Variants in NLRP4 observed in about 807,000 individuals in gnomAD.
NLRP4 encodes the protein NLR family pyrin domain containing 4, also known as NACHT, LRR and PYD domains-containing protein 4.
In NLRP4, 44 loss-of-function variants were observed where a neutral mutation model predicts 84.7. The observed-to-expected ratio is 0.52, with a 90% CI of 0.41 to 0.67. The LOEUF is 0.67. Among genes scored for constraint, NLRP4 ranks in the 30% least tolerant of loss-of-function variants. NLRP4 has a pLI of 0.00. For synonymous variants in NLRP4, 544 were observed against 476.4 expected, an observed-to-expected ratio of 1.14 and a Z score of -1.85; for missense variants, 1,260 against 1,219.4, an observed-to-expected ratio of 1.03 and a Z score of -0.50.
At position 55,855,940 on chromosome 19, in the gene NLRP4, A is replaced by G. The variant is rs137989861; in HGVS notation, c.281-1734A>G. ...TTAGAAATACACCACGACAGCTATG[A>G]TTCAGAAATCGGGAAGCTCACCAGT... is the stretch of plus-strand genomic sequence containing the variant. On this transcript the variant is annotated intron_variant, in intron 2 of 9. Coordinates refer to ENST00000301295, the MANE Select transcript of NLRP4 (RefSeq NM_134444.5). 3.0e-3 allele frequency among the ~76,000 whole-genome samples: 452 copies of G among 152,328 alleles called. 2 individuals are homozygous for G. Among genetic ancestry groups the G allele is most frequent in the Middle Eastern group, 0.024 (7 of 294 alleles).
chr19:55,864,944 G>C (rs575780753), intron 5 of NLRP4, among the ~76,000 whole-genome samples: 1 of 151,782 alleles, frequency 6.6e-6, no homozygotes, highest in Non-Finnish European at 1.5e-5. Flanking sequence ...TTACATTCAG[G>C]GGTACAGGTT....
chr19:55,849,983 T>G lies in NLRP4; in HGVS notation c.-65-2033T>G, dbSNP rs1255499959. ...CGGTGTAATTTCCGTAGCTGCGGTG[T>G]AATTTCCGAGACTGCGGTGTGATTT... On this transcript the variant is annotated intron_variant, in intron 1 of 9. Coordinates refer to ENST00000301295, the MANE Select transcript of NLRP4 (RefSeq NM_134444.5). Among the ~76,000 whole-genome samples, 4 of 134,064 alleles carry G rather than the reference T, an allele frequency of 3.0e-5. 1 individual carries two copies. The highest frequency in any genetic ancestry group is 1.2e-4 in the African/African-American group (4 of 34,476). The allele number at this position is 134,064 out of a possible 152,430, so 88.0% of individuals were successfully genotyped here. A position where few individuals can be genotyped will look rare whatever the true frequency, so the allele number is the denominator to read the frequency against.
chr19:55,847,392 C>T (rs1329470287), intron 1 of NLRP4, among the ~76,000 whole-genome samples: 2 of 152,176 alleles, frequency 1.3e-5, no homozygotes, highest in Non-Finnish European at 2.9e-5. Flanking sequence ...AATTGATTAT[C>T]ATGAATGTTC....
chr19:55,878,689 A>G (rs1192062530), intron 8 of NLRP4, 105 bp from the exon 9 acceptor site: 3 of 948,476 alleles, frequency 3.2e-6, no homozygotes, highest in Non-Finnish European at 4.7e-6. Flanking sequence ...GAGAGATTGC[A>G]CTTGAGGCAA....
At chr19:55,859,958 C>T (rs10413229) in intron 3 of NLRP4, among the ~76,000 whole-genome samples, 2 of 86,884 alleles carry the variant, frequency 2.3e-5, no homozygotes, top group African/African-American at 4.6e-5. Context: ...AAAAACAAAA[C>T]ACAAATCATA....
intron 1 of NLRP4, among the ~76,000 whole-genome samples, chr19:55,843,289 GT>G (rs1568654845): frequency 6.6e-6 from 1 of 152,050 alleles, no homozygotes; most frequent in Non-Finnish European, 1.5e-5. Context: ...ATGTTCTAAT[GT>G]CATTATGTTT....
intron 1 of NLRP4, among the ~76,000 whole-genome samples, chr19:55,839,591 A>G (rs80065785): frequency 0.038 from 5,707 of 152,168 alleles, 291 homozygotes; most frequent in East Asian, 0.22. Flanking sequence ...TGGCATAAAA[A>G]TGGTAATAGT....
At chr19:55,878,484 CGGCTT>C (rs765743285) in intron 8 of NLRP4, among the ~76,000 whole-genome samples, 34,960 of 150,722 alleles carry the variant, frequency 0.23, 68 homozygotes, top group Middle Eastern at 0.3. Flanking sequence ...TTATCTGAGA[CGGCTT>C]CATACCTTTT....
intron 6 of NLRP4, among the ~76,000 whole-genome samples, chr19:55,868,457 C>A (rs1985047690): frequency 6.7e-6 from 1 of 150,224 alleles, no homozygotes; most frequent in African/African-American, 2.4e-5. Context: ...TTAGGTGATA[C>A]TTATACAAAA....
chr19:55,877,293 C>T (rs1985411497), intron 8 of NLRP4, 127 bp downstream of exon 8: 1 of 844,900 alleles, frequency 1.2e-6, no homozygotes, highest in Non-Finnish European at 1.9e-6. Context: ...CATCATGAAC[C>T]AGTGTAAAAC....
intron 2 of NLRP4, 113 bp from the exon 3 acceptor site, chr19:55,857,561 G>C: frequency 1.1e-6 from 1 of 915,504 alleles, no homozygotes; most frequent in Non-Finnish European, 1.7e-6. Flanking sequence ...GGTTTGGCCT[G>C]GGGGCCACAG....
intron 1 of NLRP4, among the ~76,000 whole-genome samples, chr19:55,849,785 T>C (rs1037639007): frequency 3.4e-5 from 5 of 145,210 alleles, no homozygotes; most frequent in Admixed American, 3.3e-4. Context: ...TGCGGTGTAA[T>C]TTCCAAAGCT....
chr19:55,838,955 GTTT>G (rs57691669), intron 1 of NLRP4, among the ~76,000 whole-genome samples: 1 of 144,512 alleles, frequency 6.9e-6, no homozygotes, highest in African/African-American at 2.5e-5. Context: ...CACTAAGCCT[GTTT>G]TTTTTTTTTC....
intron 9 of NLRP4, among the ~76,000 whole-genome samples, chr19:55,879,823 C>A (rs1275537941): frequency 7.3e-6 from 1 of 136,938 alleles, no homozygotes; most frequent in African/African-American, 2.8e-5. Flanking sequence ...CCTCCTATAT[C>A]ACTTATTATT....
intron 1 of NLRP4, among the ~76,000 whole-genome samples, chr19:55,839,477 G>GT (rs1880554936): frequency 1.1e-5 from 1 of 94,610 alleles, no homozygotes; most frequent in Non-Finnish European, 1.9e-5. Context: ...TGGGGGAAGA[G>GT]TTAAAAAAAA....
Position 55,849,861 on chromosome 19 carries a change from GTAATTTCC to G in NLRP4, c.-65-2154_-65-2147del, listed in dbSNP as rs1371426022. ...GCGGTGTAATTTCCGAGACTGCGGTGTAATTTCCGTGGCCGCGGTGTAATTTCCGTGGC... is the reference window on the plus strand; with the variant it reads ...GCGGTGTAATTTCCGAGACTGCGGTGGTGGCCGCGGTGTAATTTCCGTGGC... On this transcript the variant is annotated intron_variant, in intron 1 of 9. Transcript: ENST00000301295. 1.2e-4 allele frequency among the ~76,000 whole-genome samples: 18 copies of G among 145,502 alleles called. 1 individual carries two copies. Among genetic ancestry groups the G allele is most frequent in the African/African-American group, 4.7e-4 (18 of 38,582 alleles).
Position 55,853,851 on chromosome 19 carries a change from TTC to T in NLRP4, c.280+1499_280+1500del, listed in dbSNP as rs1210505697. Among the ~76,000 whole-genome samples the T allele has an allele frequency of 4.6e-5, 7 of 150,726 alleles. 1 individual carries two copies. Among genetic ancestry groups the T allele is most frequent in the East Asian group, 3.9e-4 (2 of 5,124 alleles). ...TCTCTTTCTCTCTCTCGTTCTGTCTTTCTCTCTCTTCCTCTCTCTTTCTCTCT... is the reference window on the plus strand; with the variant it reads ...TCTCTTTCTCTCTCTCGTTCTGTCTTTCTCTCTTCCTCTCTCTTTCTCTCT... On this transcript the variant is annotated intron_variant, in intron 2 of 9. Coordinates refer to ENST00000301295, the MANE Select transcript of NLRP4 (RefSeq NM_134444.5).
Position 55,858,580 on chromosome 19 carries a change from T to C in NLRP4, c.1187T>C (p.Leu396Pro), listed in dbSNP as rs1461724741. ...CCGACTCCGCAAACCCAGCACCAGC[T>C]GAAGGCCCTGTGCTCCCTGGCTGCA... ...EGPTPQTQHQ[L>P]KALCSLAAEG... is the part of the protein sequence containing the mutation. The change falls in exon 3 of 10, where the codon CTG becomes CCG. Residue 396 changes from leucine to proline, a missense_variant. Leu to Pro is a moderately conservative substitution (Grantham distance 98, BLOSUM62 -3). Around this residue, in one of 3 missense-constraint regions of NLRP4, gnomAD observed 712 missense variants for 669.2 expected, o/e 1.06. Transcript: ENST00000301295. The surrounding 1 kb of genome is among the most constrained non-coding windows in gnomAD (Gnocchi z 4.2). 6.2e-7 allele frequency: 1 copy of C among 1,614,154 alleles called. No homozygotes were observed. The highest frequency in any genetic ancestry group is 8.5e-7 in the Non-Finnish European group (1 of 1,180,016).
intron 3 of NLRP4, among the ~76,000 whole-genome samples, chr19:55,860,363 C>A (rs149260990): frequency 3.5e-4 from 53 of 152,328 alleles, no homozygotes; most frequent in African/African-American, 1.2e-3. Flanking sequence ...ATGCTTGAAG[C>A]CAGGGGGCTA....
Sources: allele counts gnomAD v4.1 joint callset (sites outside exome capture counted in the v4.1 genomes callset), GRCh38; gene constraint gnomAD v4.1.1; regional missense constraint gnomAD v4.1.1; non-coding constraint Gnocchi (gnomAD v3.1); transcripts MANE v1.5; gene names NCBI Gene and HGNC (gene_info 2026-07-23, HGNC 2026-07-21).